ABCC1: variants seen among roughly 807,000 people sequenced by gnomAD.
ABCC1 encodes multidrug resistance-associated protein 1.
In ABCC1, 83 loss-of-function variants were observed where a neutral mutation model predicts 172.9. The observed-to-expected ratio is 0.48, with a 90% CI of 0.40 to 0.58. The LOEUF (loss-of-function observed/expected upper bound fraction) is 0.58. Ranked by LOEUF, ABCC1 falls within the 20% of genes least tolerant of loss-of-function variation. ABCC1 has a pLI of 0.00. For synonymous variants in ABCC1, 937 were observed against 825.2 expected (o/e 1.14, Z -2.32); for missense variants, 1,817 against 2,002.7 (o/e 0.91, Z 1.77).
intron 1 of ABCC1, among the ~76,000 whole-genome samples, chr16:15,989,390 G>A (rs1025433731): frequency 6.6e-6 from 1 of 152,112 alleles, no homozygotes; most frequent in South Asian, 2.1e-4. Context: ...CTGCTGTGTC[G>A]GGGCTGGGAG....
chr16:16,128,336 A>G (rs926671899), intron 26 of ABCC1, among the ~76,000 whole-genome samples: 3 of 151,808 alleles, frequency 2.0e-5, no homozygotes, highest in African/African-American at 7.3e-5. Flanking sequence ...TTTTTAGTAG[A>G]GAAGGGATTT....
At chr16:16,030,841 G>A (rs1187624943) in intron 5 of ABCC1, among the ~76,000 whole-genome samples, 4 of 151,902 alleles carry the variant, frequency 2.6e-5, no homozygotes, top group East Asian at 1.9e-4. Context: ...GGTAGGGCCC[G>A]GATACAGTAT....
At chr16:16,052,939 T>C (rs2049495124) in intron 11 of ABCC1, 123 bp downstream of exon 11, 3 of 832,364 alleles carry the variant, frequency 3.6e-6, no homozygotes, top group Admixed American at 2.6e-5. Flanking sequence ...CCAGTTGGAC[T>C]CACTTGGGGA....
At chr16:16,085,648 C>T (rs1198651780) in intron 17 of ABCC1, among the ~76,000 whole-genome samples, 5 of 152,148 alleles carry the variant, frequency 3.3e-5, no homozygotes, top group East Asian at 1.9e-4. Flanking sequence ...GGCATGGTGC[C>T]GTGCACCTGT....
intron 1 of ABCC1, among the ~76,000 whole-genome samples, chr16:15,968,234 G>A (rs2046291135): frequency 6.6e-6 from 1 of 151,954 alleles, no homozygotes; most frequent in Non-Finnish European, 1.5e-5. Context: ...AGGGTTTGCT[G>A]TGTTAGCCAG....
chr16:15,965,335 A>G (rs2046220172), intron 1 of ABCC1, among the ~76,000 whole-genome samples: 1 of 151,476 alleles, frequency 6.6e-6, no homozygotes, highest in Non-Finnish European at 1.5e-5. Context: ...TCTGTCGCCC[A>G]GGCTGAAGTG....
intron 1 of ABCC1, among the ~76,000 whole-genome samples, chr16:15,965,969 T>A (rs570469752): frequency 2.6e-4 from 39 of 152,310 alleles, no homozygotes; most frequent in South Asian, 1.7e-3. Context: ...TTAGATGATG[T>A]TCTCAGGAGT....
intron 1 of ABCC1, among the ~76,000 whole-genome samples, chr16:15,999,807 CTCCT>C (rs1478038563): frequency 1.2e-4 from 3 of 24,094 alleles, no homozygotes; most frequent in African/African-American, 3.1e-4. Flanking sequence ...CTCTCTCTCT[CTCCT>C]CTCTCTCTCT....
chr16:16,104,245 T>C (rs1360127457), intron 20 of ABCC1, among the ~76,000 whole-genome samples: 1 of 152,200 alleles, frequency 6.6e-6, no homozygotes, highest in East Asian at 1.9e-4. Flanking sequence ...CTGCTGGCTC[T>C]GGCAGCCAGC....
chr16:16,108,273 C>CTTTTT (rs79826916), intron 21 of ABCC1, among the ~76,000 whole-genome samples: 8 of 106,334 alleles, frequency 7.5e-5, no homozygotes, highest in East Asian at 3.1e-4. Flanking sequence ...TTCTTTGTGT[C>CTTTTT]TTTTTTTTTT....
chr16:16,069,862 A>G (rs367855331), intron 13 of ABCC1, among the ~76,000 whole-genome samples: 61 of 152,268 alleles, frequency 4.0e-4, no homozygotes, highest in African/African-American at 1.3e-3. Context: ...TGTCTCTACT[A>G]AAAATACAAA....
At chr16:16,071,772 C>G (rs1423015409) in intron 14 of ABCC1, 43 bp downstream of exon 14, 2 of 1,543,348 alleles carry the variant, frequency 1.3e-6, no homozygotes, top group South Asian at 1.2e-5. Context: ...TGGCCGCCTT[C>G]CCATCTCCCA....
intron 12 of ABCC1, among the ~76,000 whole-genome samples, chr16:16,058,761 C>A (rs2049781615): frequency 6.6e-6 from 1 of 152,176 alleles, no homozygotes; most frequent in Admixed American, 6.6e-5. Flanking sequence ...AGCGATTCTT[C>A]CACCTCAGCC....
intron 1 of ABCC1, among the ~76,000 whole-genome samples, chr16:15,958,203 TC>T (rs1367283300): frequency 6.6e-6 from 1 of 152,194 alleles, no homozygotes. Context: ...CCTCCCGGGT[TC>T]CAGTGATTCT....
At chr16:16,135,048 T>A (rs1213367210) in intron 28 of ABCC1, among the ~76,000 whole-genome samples, 1 of 152,172 alleles carries the variant, frequency 6.6e-6, no homozygotes, top group Non-Finnish European at 1.5e-5. Context: ...CGACTTCCTG[T>A]CCCCGGGAGG....
At chr16:16,044,389 C>T in intron 7 of ABCC1, 61 bp from the exon 8 acceptor site, 3 of 1,439,742 alleles carry the variant, frequency 2.1e-6, no homozygotes, top group Non-Finnish European at 2.9e-6. Flanking sequence ...GGCCATGTCC[C>T]TGTGGTAGGG....
chr16:15,995,273 T>G (rs1386653835), intron 1 of ABCC1, among the ~76,000 whole-genome samples: 4 of 152,166 alleles, frequency 2.6e-5, no homozygotes, highest in Non-Finnish European at 4.4e-5. Context: ...AAATGTAATG[T>G]GAAACACTTA....
intron 20 of ABCC1, chr16:16,106,534 C>A (rs1001291074): frequency 7.1e-6 from 4 of 562,108 alleles, no homozygotes; most frequent in Admixed American, 3.2e-5. Flanking sequence ...TGAGACACTG[C>A]CTTTCTCTGG....
At chr16:16,029,981 G>T (rs1247315712) in intron 5 of ABCC1, among the ~76,000 whole-genome samples, 1 of 152,006 alleles carries the variant, frequency 6.6e-6, no homozygotes, top group African/African-American at 2.4e-5. Flanking sequence ...GTTTTAGCTG[G>T]GATTTTTTTA....
Sources: allele counts gnomAD v4.1 joint callset (sites outside exome capture counted in the v4.1 genomes callset), GRCh38; gene constraint gnomAD v4.1.1; transcripts MANE v1.5; gene names NCBI Gene and HGNC (gene_info 2026-07-23, HGNC 2026-07-21).